The following CACNB2 variants were observed in gnomAD, a reference collection of about 807,000 sequenced individuals.
CACNB2 encodes the protein calcium voltage-gated channel auxiliary subunit beta 2.
In CACNB2, 42 loss-of-function variants were observed where a neutral mutation model predicts 73.3. The observed-to-expected ratio is 0.57, with a 90% CI of 0.45 to 0.74. CACNB2 has a LOEUF of 0.74. Ranked by LOEUF, CACNB2 falls within the 30% of genes least tolerant of loss-of-function variation. The pLI is 0.00. For missense variants in CACNB2, 940 were observed against 853.0 expected (o/e 1.10, Z -1.27); for synonymous variants, 348 against 310.3 (o/e 1.12, Z -1.28).
At chr10:18,331,083 T>G (rs2040784319) in intron 2 of CACNB2, among the ~76,000 whole-genome samples, 1 of 151,956 alleles carries the variant, frequency 6.6e-6, no homozygotes, top group Non-Finnish European at 1.5e-5. Context: ...CCTCCTGGGT[T>G]CAGGTGATTC....
chr10:18,474,147 G>A (rs1186130403), intron 3 of CACNB2, among the ~76,000 whole-genome samples: 1 of 152,224 alleles, frequency 6.6e-6, no homozygotes. Context: ...GTAGGAAGAA[G>A]CTGTCATGGT....
intron 2 of CACNB2, among the ~76,000 whole-genome samples, chr10:18,164,425 A>G (rs2131110025): frequency 6.6e-6 from 1 of 152,276 alleles, no homozygotes; most frequent in South Asian, 2.1e-4. Context: ...TTACCAAGAG[A>G]CACTGCCCTT....
chr10:18,458,737 T>C (rs2047407980), intron 3 of CACNB2, among the ~76,000 whole-genome samples: 1 of 151,130 alleles, frequency 6.6e-6, no homozygotes. Flanking sequence ...ATTATACTAT[T>C]AACAGTAGGA....
chr10:18,222,662 C>G (rs1490991538), intron 2 of CACNB2, among the ~76,000 whole-genome samples: 1 of 152,174 alleles, frequency 6.6e-6, no homozygotes, highest in Non-Finnish European at 1.5e-5. Context: ...AATGGCCAGG[C>G]ACAGTGGCTA....
chr10:18,386,231 C>T (rs985136039), intron 2 of CACNB2, among the ~76,000 whole-genome samples: 2 of 151,960 alleles, frequency 1.3e-5, no homozygotes, highest in Non-Finnish European at 2.9e-5. Flanking sequence ...AATGTCTCTC[C>T]TTCCCCTGCT....
chr10:18,441,166 A>T (rs1333344563), intron 3 of CACNB2, among the ~76,000 whole-genome samples: 1 of 152,182 alleles, frequency 6.6e-6, no homozygotes, highest in Non-Finnish European at 1.5e-5. Context: ...GCACTTTGGG[A>T]GGCCAAGGAG....
At chr10:18,448,581 T>C (rs1371949452) in intron 3 of CACNB2, among the ~76,000 whole-genome samples, 1 of 151,980 alleles carries the variant, frequency 6.6e-6, no homozygotes, top group East Asian at 1.9e-4. Flanking sequence ...ACAGGCTTCC[T>C]GGCCTCAGCC....
intron 2 of CACNB2, among the ~76,000 whole-genome samples, chr10:18,201,816 A>T (rs2034895051): frequency 6.6e-6 from 1 of 152,126 alleles, no homozygotes; most frequent in Non-Finnish European, 1.5e-5. Flanking sequence ...TATTCCTCTC[A>T]TCTAGCTGTA....
chr10:18,317,912 C>T (rs1170400449), intron 2 of CACNB2, among the ~76,000 whole-genome samples: 7 of 152,124 alleles, frequency 4.6e-5, no homozygotes, highest in African/African-American at 1.4e-4. Context: ...AGGAATACAG[C>T]TTACAAGGGA....
chr10:18,140,719 C>G lies in CACNB2; in HGVS notation c.-18C>G. ...CCGCCGGGGGCTGGCTGCTTCGCTC[C>G]GAGCCGACTTTTCGCCAATGGTCCA... On this transcript the variant is annotated 5_prime_UTR_variant, in exon 1 of 14. Transcript: ENST00000324631. 1 of 1,585,204 alleles carries G rather than the reference C, an allele frequency of 6.3e-7. No individual in the cohort carries two copies. Among genetic ancestry groups the G allele is most frequent in the South Asian group, 1.1e-5 (1 of 86,990 alleles).
At chr10:18,482,284 T>C (rs1215162992) in intron 3 of CACNB2, among the ~76,000 whole-genome samples, 1 of 152,190 alleles carries the variant, frequency 6.6e-6, no homozygotes, top group Non-Finnish European at 1.5e-5. Flanking sequence ...AGGCAGTTAT[T>C]AATTATTACA....
At position 18,210,450 on chromosome 10, in the gene CACNB2, C is replaced by G. The variant is rs189536186; in HGVS notation, c.213+59475C>G. Among the ~76,000 whole-genome samples, 24 of 151,986 alleles carry G rather than the reference C, an allele frequency of 1.6e-4. No homozygotes were observed. The East Asian group carries it at 4.6e-3, about 29-fold the overall frequency. ...AAGAATGGTTTTTTTTCCCATAGGC[C>G]TTAGAAGCTGGTGGGGGTTGGGGTG... On this transcript the variant is annotated intron_variant, in intron 2 of 13. Coordinates refer to ENST00000324631, the MANE Select transcript of CACNB2 (RefSeq NM_201596.3).
intron 2 of CACNB2, among the ~76,000 whole-genome samples, chr10:18,189,997 G>A (rs12247330): frequency 0.021 from 3,263 of 152,246 alleles, 111 homozygotes; most frequent in African/African-American, 0.075. Context: ...GTAAGCAAAT[G>A]CTGTTAATCT....
intron 5 of CACNB2, among the ~76,000 whole-genome samples, chr10:18,502,170 G>A (rs1229502155): frequency 1.3e-5 from 2 of 152,148 alleles, no homozygotes; most frequent in Admixed American, 6.5e-5. Flanking sequence ...AGCTGGGCAT[G>A]GTGGCGGGAG....
intron 2 of CACNB2, among the ~76,000 whole-genome samples, chr10:18,331,647 A>G (rs2040812405): frequency 6.6e-6 from 1 of 152,116 alleles, no homozygotes; most frequent in Non-Finnish European, 1.5e-5. Context: ...TTGAAGACTA[A>G]GTCACTAGCC....
In CACNB2 at chr10:18,318,284, C is replaced by A. The variant is rs562255515; in HGVS notation, c.214-83640C>A. 2.3e-4 allele frequency among the ~76,000 whole-genome samples: 35 copies of A among 152,156 alleles called. No individual in the cohort carries two copies. In the South Asian group the frequency reaches 7.3e-3, roughly 32 times the overall value. On this transcript the variant is annotated intron_variant, in intron 2 of 13. Transcript: ENST00000324631. ...ACTGGTACCAAAACAGACATATAGA[C>A]CAATGGAATAGAATAGAGACCTCAG...
intron 6 of CACNB2, among the ~76,000 whole-genome samples, chr10:18,507,480 G>A (rs1040245689): frequency 2.6e-5 from 4 of 151,974 alleles, no homozygotes; most frequent in Admixed American, 6.6e-5. Flanking sequence ...TATTGCATGG[G>A]GCATACTTAC....
intron 2 of CACNB2, among the ~76,000 whole-genome samples, chr10:18,157,179 G>A (rs778979508): frequency 2.6e-5 from 4 of 152,036 alleles, no homozygotes; most frequent in African/African-American, 4.8e-5. Flanking sequence ...TATACTGAAC[G>A]TATAATTTCT....
chr10:18,481,274 T>C (rs1371175826), intron 3 of CACNB2, among the ~76,000 whole-genome samples: 2 of 118,342 alleles, frequency 1.7e-5, no homozygotes, highest in African/African-American at 3.2e-5. Flanking sequence ...TGAGACAGAG[T>C]CTTGCTCTGT....
Sources: gnomAD v4.1 joint callset for allele counts (sites outside exome capture counted in the v4.1 genomes callset) on GRCh38, gnomAD v4.1.1 for gene constraint, MANE v1.5 for transcripts, NCBI Gene and HGNC (gene_info 2026-07-23, HGNC 2026-07-21) for gene names.